The following PPP2R2B variants were observed in gnomAD, a reference collection of about 807,000 sequenced individuals.
PPP2R2B encodes serine/threonine-protein phosphatase 2A 55 kDa regulatory subunit B beta isoform.
Under a neutral mutation model 46.0 loss-of-function variants are expected in PPP2R2B, and 5 were observed. The ratio of observed to expected loss-of-function variants is 0.11; its 90% confidence interval spans 0.06 to 0.23. PPP2R2B has a LOEUF of 0.23. Ranked by LOEUF, PPP2R2B falls within the 10% of genes least tolerant of loss-of-function variation. The pLI is 1.00. For missense variants in PPP2R2B, 367 were observed against 575.0 expected (o/e 0.64, Z 3.70); for synonymous variants, 215 against 206.7 (o/e 1.04, Z -0.34).
At chr5:146,603,878 C>T (rs1370402318) in intron 7 of PPP2R2B, among the ~76,000 whole-genome samples, 2 of 152,166 alleles carry the variant, frequency 1.3e-5, no homozygotes, top group Non-Finnish European at 2.9e-5. Flanking sequence ...ATTTTGAACT[C>T]ACATCTATCT....
chr5:147,037,231 G>A (rs1284819249), intron 1 of PPP2R2B, among the ~76,000 whole-genome samples: 4 of 152,116 alleles, frequency 2.6e-5, no homozygotes, highest in Non-Finnish European at 5.9e-5. Flanking sequence ...GTCTGAAAGA[G>A]TCTATACCAC....
In PPP2R2B at chr5:146,878,107, G is replaced by A. The variant is rs201401015; in HGVS notation, c.-36C>T. 2 of 1,614,040 alleles carry A rather than the reference G, an allele frequency of 1.2e-6. No individual in the cohort carries two copies. The highest frequency in any genetic ancestry group is 2.2e-5 in the East Asian group (1 of 44,870). On this transcript the variant is annotated 5_prime_UTR_variant, in exon 2 of 10. Transcript: ENST00000394411. This position sits in a 1 kb window ranked among gnomAD's most constrained non-coding sequence, Gnocchi z 4.5. ...CTTACTTGCGTGGGAACCAGAAGCC[G>A]GCAGACAAGTATCCATGATCCCTCC...
chr5:146,775,252 A>G (rs548037257), intron 2 of PPP2R2B, among the ~76,000 whole-genome samples: 1 of 152,344 alleles, frequency 6.6e-6, no homozygotes, highest in Non-Finnish European at 1.5e-5. Flanking sequence ...ACAAAATACT[A>G]GGAAACCAAG....
chr5:146,955,975 C>T (rs536100571), intron 1 of PPP2R2B, among the ~76,000 whole-genome samples: 1 of 151,720 alleles, frequency 6.6e-6, no homozygotes, highest in Non-Finnish European at 1.5e-5. Context: ...GATGGGGTTT[C>T]ACCACGTTGG....
intron 2 of PPP2R2B, among the ~76,000 whole-genome samples, chr5:146,800,340 C>G (rs1303712278): frequency 6.6e-6 from 1 of 151,764 alleles, no homozygotes; most frequent in Non-Finnish European, 1.5e-5. Flanking sequence ...TGTAAGGATC[C>G]CCGGGTACTG....
intron 2 of PPP2R2B, among the ~76,000 whole-genome samples, chr5:146,720,739 A>G (rs2151193453): frequency 6.6e-6 from 1 of 152,302 alleles, no homozygotes; most frequent in Admixed American, 6.5e-5. Flanking sequence ...GAGATTCAGT[A>G]TTGACAGTCA....
intron 2 of PPP2R2B, among the ~76,000 whole-genome samples, chr5:146,839,295 C>T (rs1244226625): frequency 6.6e-6 from 1 of 152,136 alleles, no homozygotes; most frequent in African/African-American, 2.4e-5. Flanking sequence ...CTGAAGTAGG[C>T]AGATCACCTG....
intron 5 of PPP2R2B, among the ~76,000 whole-genome samples, chr5:146,674,274 G>A (rs1777564963): frequency 2.0e-5 from 3 of 152,148 alleles, no homozygotes; most frequent in Admixed American, 2.0e-4. Context: ...TTAAGTAAAA[G>A]GCTCAGAGTC....
At chr5:146,815,526 C>T (rs1757878096) in intron 2 of PPP2R2B, among the ~76,000 whole-genome samples, 1 of 152,272 alleles carries the variant, frequency 6.6e-6, no homozygotes, top group African/African-American at 2.4e-5. Context: ...AAACTAAATG[C>T]CTTCAGGAGT....
intron 1 of PPP2R2B, among the ~76,000 whole-genome samples, chr5:146,908,794 C>A (rs2151803715): frequency 6.6e-6 from 1 of 151,932 alleles, no homozygotes; most frequent in Non-Finnish European, 1.5e-5. Context: ...TTCCTCCCTT[C>A]CTCCCTTCCT....
chr5:146,716,029 T>C (rs1466273203), intron 2 of PPP2R2B, among the ~76,000 whole-genome samples: 2 of 152,148 alleles, frequency 1.3e-5, no homozygotes, highest in African/African-American at 4.8e-5. Context: ...ATTCTTGTCA[T>C]TAATTGTGCC....
intron 2 of PPP2R2B, among the ~76,000 whole-genome samples, chr5:146,707,996 GT>G (rs1439285522): frequency 1.3e-5 from 2 of 152,054 alleles, no homozygotes; most frequent in Admixed American, 1.3e-4. Context: ...ATTTTAATTT[GT>G]TTTCAAACTG....
intron 1 of PPP2R2B, among the ~76,000 whole-genome samples, chr5:146,886,376 C>CTAAAA (rs1161618782): frequency 1.2e-5 from 1 of 81,466 alleles, no homozygotes; most frequent in Non-Finnish European, 2.6e-5. Flanking sequence ...AATAATAAAA[C>CTAAAA]TAAAATAAAA....
rs559580278 is a variant in PPP2R2B at position 147,066,413 on chromosome 5, G to A, written c.50+14646C>T. 2.0e-5 allele frequency among the ~76,000 whole-genome samples: 3 copies of A among 152,276 alleles called. No individual in the cohort carries two copies. In the South Asian group the frequency reaches 6.2e-4, roughly 32 times the overall value. ...CTTCAATTATTATCCCTATGTTACAGATGAAGAAACTGAGGCACAGATACA... is the reference window on the plus strand; with the variant it reads ...CTTCAATTATTATCCCTATGTTACAAATGAAGAAACTGAGGCACAGATACA... On this transcript the variant is annotated intron_variant, in intron 2 of 10. Transcript: ENST00000394413.
intron 5 of PPP2R2B, among the ~76,000 whole-genome samples, chr5:146,666,706 A>G (rs1776999755): frequency 6.6e-6 from 1 of 152,142 alleles, no homozygotes; most frequent in African/African-American, 2.4e-5. Context: ...ACACCTCAAT[A>G]ATGGTGAGCT....
chr5:146,733,199 A>G (rs1357843724), intron 2 of PPP2R2B, among the ~76,000 whole-genome samples: 1 of 152,172 alleles, frequency 6.6e-6, no homozygotes, highest in African/African-American at 2.4e-5. Context: ...TATGCAAGTA[A>G]CCCACTCAGT....
intron 1 of PPP2R2B, among the ~76,000 whole-genome samples, chr5:147,046,898 C>T (rs1488136967): frequency 2.0e-5 from 3 of 152,024 alleles, no homozygotes; most frequent in Non-Finnish European, 4.4e-5. Context: ...ACTAGAAACT[C>T]CTGCAAATGG....
At chr5:146,882,933 G>A (rs780883846), upstream of PPP2R2B, among the ~76,000 whole-genome samples, 4 of 152,028 alleles carry the variant, frequency 2.6e-5, no homozygotes, top group Non-Finnish European at 4.4e-5. Flanking sequence ...GGATACATTC[G>A]TTTTTTTAAC....
intron 7 of PPP2R2B, among the ~76,000 whole-genome samples, chr5:146,615,987 A>G (rs554552037): frequency 6.6e-6 from 1 of 152,358 alleles, no homozygotes; most frequent in Admixed American, 6.5e-5. Flanking sequence ...ACTTCAAATT[A>G]TACTACAGAG....
Sources: allele counts gnomAD v4.1 joint callset (sites outside exome capture counted in the v4.1 genomes callset), GRCh38; gene constraint gnomAD v4.1.1; non-coding constraint Gnocchi (gnomAD v3.1); transcripts MANE v1.5; gene names NCBI Gene and HGNC (gene_info 2026-07-23, HGNC 2026-07-21).